Variants in CCSER1 observed in about 807,000 individuals in gnomAD.
CCSER1 encodes coiled-coil serine rich protein 1.
A neutral mutation model predicts 82.0 loss-of-function variants in CCSER1; 41 were observed. The ratio of observed to expected loss-of-function variants is 0.50; its 90% CI spans 0.39 to 0.65. CCSER1 has a LOEUF of 0.65. CCSER1 is among the 30% of genes least tolerant of loss of function. CCSER1 has a pLI of 0.00. For synonymous variants in CCSER1, 414 were observed against 383.9 expected (o/e 1.08, Z -0.92); for missense variants, 1,119 against 1,064.2 (o/e 1.05, Z -0.72).
At chr4:91,181,516 G>T (rs371922513) in intron 10 of CCSER1, among the ~76,000 whole-genome samples, 1 of 152,068 alleles carries the variant, frequency 6.6e-6, no homozygotes, top group East Asian at 1.9e-4. Context: ...ATCATTTGAG[G>T]TTGAGGTGCC....
intron 10 of CCSER1, among the ~76,000 whole-genome samples, chr4:91,207,525 C>T (rs1468096309): frequency 6.6e-6 from 1 of 151,832 alleles, no homozygotes; most frequent in Non-Finnish European, 1.5e-5. Flanking sequence ...ATAATGGCCT[C>T]CAGTTCCATA....
chr4:90,655,288 C>G (rs1051568003), intron 6 of CCSER1, among the ~76,000 whole-genome samples: 1 of 151,754 alleles, frequency 6.6e-6, no homozygotes, highest in Non-Finnish European at 1.5e-5. Context: ...TTAAATTATC[C>G]TCCTGGTTTG....
chr4:90,841,294 T>C (rs527424895), intron 8 of CCSER1, among the ~76,000 whole-genome samples: 1 of 152,074 alleles, frequency 6.6e-6, no homozygotes, highest in East Asian at 1.9e-4. Context: ...GAAGAAAATA[T>C]TTGGCCAGGC....
chr4:90,182,550 G>A (rs1733914217), intron 1 of CCSER1, among the ~76,000 whole-genome samples: 1 of 152,110 alleles, frequency 6.6e-6, no homozygotes, highest in African/African-American at 2.4e-5. Context: ...GTGGATAATG[G>A]TAACAGCCAC....
chr4:90,281,732 C>A (rs1301798986), intron 1 of CCSER1, among the ~76,000 whole-genome samples: 1 of 151,910 alleles, frequency 6.6e-6, no homozygotes, highest in African/African-American at 2.4e-5. Context: ...GTCTGAAAAC[C>A]GTAATTAGTA....
intron 10 of CCSER1, among the ~76,000 whole-genome samples, chr4:91,174,162 CT>C (rs963517930): frequency 4.6e-5 from 7 of 152,118 alleles, no homozygotes; most frequent in African/African-American, 1.4e-4. Context: ...CTTTGAAAAA[CT>C]GTTTAAAGAG....
At chr4:90,636,737 A>G (rs532035107) in intron 6 of CCSER1, among the ~76,000 whole-genome samples, 16 of 152,286 alleles carry the variant, frequency 1.1e-4, no homozygotes, top group African/African-American at 3.8e-4. Flanking sequence ...ACTTGATGGT[A>G]AAACACTGAA....
intron 10 of CCSER1, among the ~76,000 whole-genome samples, chr4:91,472,489 A>G (rs559618467): frequency 7.9e-5 from 12 of 152,328 alleles, no homozygotes; most frequent in South Asian, 2.1e-4. Flanking sequence ...GCATTTTCAT[A>G]CCACATGATA....
At chr4:91,392,363 G>GCACGCACGCACACA (rs1553932165) in intron 10 of CCSER1, among the ~76,000 whole-genome samples, 1 of 148,118 alleles carries the variant, frequency 6.8e-6, no homozygotes, top group Non-Finnish European at 1.5e-5. Flanking sequence ...ACCTACACAT[G>GCACGCACGCACACA]CACACACACA....
intron 5 of CCSER1, among the ~76,000 whole-genome samples, chr4:90,472,667 A>G (rs1170702820): frequency 6.6e-6 from 1 of 152,210 alleles, no homozygotes; most frequent in Non-Finnish European, 1.5e-5. Context: ...AACTCAGAAT[A>G]CCATAGAAAG....
At chr4:90,240,230 G>A (rs575565530) in intron 1 of CCSER1, among the ~76,000 whole-genome samples, 1 of 152,308 alleles carries the variant, frequency 6.6e-6, no homozygotes, top group African/African-American at 2.4e-5. Context: ...CTCCAGGGAA[G>A]AGTATGGGGC....
intron 4 of CCSER1, among the ~76,000 whole-genome samples, chr4:90,405,953 G>GA (rs112348786): frequency 0.024 from 3,556 of 146,220 alleles, 123 homozygotes; most frequent in African/African-American, 0.083. Context: ...GTAACAAAAT[G>GA]AAAAAAAAAA....
intron 7 of CCSER1, among the ~76,000 whole-genome samples, chr4:90,803,468 T>C (rs1757090370): frequency 6.6e-6 from 1 of 152,200 alleles, no homozygotes; most frequent in Non-Finnish European, 1.5e-5. Flanking sequence ...GGTGTTTGGT[T>C]TTCTGTCCTT....
chr4:91,502,499 T>G (rs1019612888), intron 10 of CCSER1, among the ~76,000 whole-genome samples: 4 of 152,108 alleles, frequency 2.6e-5, no homozygotes, highest in Non-Finnish European at 5.9e-5. Context: ...TTTCCAAGCC[T>G]CAGGTATTTT....
At chr4:91,143,074 G>A (rs1412628825) in intron 10 of CCSER1, among the ~76,000 whole-genome samples, 1 of 152,002 alleles carries the variant, frequency 6.6e-6, no homozygotes. Context: ...TTGGGCAGTA[G>A]GGCCATTTTA....
chr4:91,333,079 T>C (rs1192358384), intron 10 of CCSER1, among the ~76,000 whole-genome samples: 1 of 152,064 alleles, frequency 6.6e-6, no homozygotes, highest in East Asian at 1.9e-4. Flanking sequence ...TCCATTCTTG[T>C]CACAAAGGCA....
chr4:91,031,439 G>C (rs1186410944), intron 9 of CCSER1, among the ~76,000 whole-genome samples: 4 of 152,070 alleles, frequency 2.6e-5, no homozygotes, highest in African/African-American at 9.7e-5. Flanking sequence ...TTATTTTCAA[G>C]GTGTTTATTC....
chr4:91,427,420 T>C (rs909143776), intron 10 of CCSER1, among the ~76,000 whole-genome samples: 5 of 152,134 alleles, frequency 3.3e-5, no homozygotes, highest in Non-Finnish European at 7.4e-5. Flanking sequence ...TACAAACTTG[T>C]ACGATCATGA....
chr4:90,470,602 A>G (rs1764227884), intron 5 of CCSER1, among the ~76,000 whole-genome samples: 1 of 151,886 alleles, frequency 6.6e-6, no homozygotes, highest in Non-Finnish European at 1.5e-5. Flanking sequence ...CATTCTCTCT[A>G]TCTACATGTT....
Sources: gnomAD v4.1 joint callset for allele counts (sites outside exome capture counted in the v4.1 genomes callset) on GRCh38, gnomAD v4.1.1 for gene constraint, MANE v1.5 for transcripts, NCBI Gene and HGNC (gene_info 2026-07-23, HGNC 2026-07-21) for gene names.